Variants in CELSR3 observed in about 807,000 individuals in gnomAD.
CELSR3 encodes EGF-like protein 1.
In CELSR3, 73 loss-of-function variants were observed where a neutral mutation model predicts 270.0. That is an observed-to-expected ratio of 0.27 (90% CI 0.22 to 0.33). CELSR3 has a LOEUF of 0.33. Ranked by LOEUF, CELSR3 falls within the 10% of genes least tolerant of loss-of-function variation. The probability of loss-of-function intolerance (pLI) is 1.00; values close to 1 mark genes in which losing one functional copy is unlikely to be tolerated. For synonymous variants in CELSR3, 1,780 were observed against 1,905.4 expected (o/e 0.93, Z 1.71); for missense variants, 3,614 against 4,533.8 (o/e 0.80, Z 5.83).
chr3:48,642,434 A>G lies in CELSR3; in HGVS notation c.8589T>C (p.Ala2863=). 8 of 1,613,196 alleles carry G rather than the reference A, an allele frequency of 5.0e-6. No homozygotes were observed. The highest frequency in any genetic ancestry group is 5.9e-6 in the Non-Finnish European group (7 of 1,179,914). The part of the protein sequence containing the change: ...DNVLVRHGSA[A]DHTDHSLQAH... ...CCTGGAGGCTGTGGTCAGTGTGGTC[A>G]GCGGCTGAGCCATGTCGAACCAGGA... The change falls in exon 31 of 35, where the codon GCT becomes GCC. Residue 2863 remains alanine (A), a synonymous_variant. Transcript: ENST00000164024. The surrounding 1 kb of genome is among the most constrained non-coding windows in gnomAD (Gnocchi z 6.1).
At chr3:48,647,749 G>T in intron 20 of CELSR3, 92 bp downstream of exon 20, 1 of 1,357,390 alleles carries the variant, frequency 7.4e-7, no homozygotes, top group Non-Finnish European at 1.0e-6. Flanking sequence ...GGGAGGTCTA[G>T]AAAGGGGAAA....
chr3:48,645,892 A>C lies in CELSR3; in HGVS notation c.7464-24T>G. 2.5e-6 allele frequency: 4 copies of C among 1,586,886 alleles called. No individual in the cohort carries two copies. Among genetic ancestry groups the C allele is most frequent in the Non-Finnish European group, 3.4e-6 (4 of 1,163,390 alleles). ...CCCTGCAGCCACAGGGCAGTTAGAC[A>C]CAACTGTGACCCAGTGTCAGGCAGG... On this transcript the variant is annotated intron_variant, in intron 22 of 34. Transcript: ENST00000164024. This position sits in a 1 kb window ranked among gnomAD's most constrained non-coding sequence, Gnocchi z 5.4.
chr3:48,659,053 G>A lies in CELSR3; in HGVS notation c.3582C>T (p.Arg1194=), dbSNP rs1197264829. ...AGACATCGGGGTCATAAGCTGGGAT[G>A]CGCCCAATAATGCCCGACGGGAAGG... ...SDTFPSGIIG[R]IPAYDPDVSD... The change falls in exon 1 of 35, where the codon CGC becomes CGT. Residue 1194 remains arginine (R), a synonymous_variant. Coordinates refer to ENST00000164024, the MANE Select transcript of CELSR3 (RefSeq NM_001407.3). The surrounding 1 kb of genome is among the most constrained non-coding windows in gnomAD (Gnocchi z 8.1). The A allele has an allele frequency of 4.3e-6, 7 of 1,614,070 alleles. No homozygotes were observed. In the Admixed American group the frequency reaches 5.0e-5, roughly 12 times the overall value.
In CELSR3 at chr3:48,650,262, A is replaced by T; in HGVS notation, c.6472+218T>A. The T allele has an allele frequency of 3.0e-6, 2 of 661,892 alleles. No individual in the cohort carries two copies. The highest frequency in any genetic ancestry group is 5.6e-6 in the Non-Finnish European group (2 of 358,664). The allele number at this position is 661,892 out of a possible 1,614,324, so 41.0% of individuals were successfully genotyped here. A position where few individuals can be genotyped will look rare whatever the true frequency, so the allele number is the denominator to read the frequency against. On this transcript the variant is annotated intron_variant, in intron 16 of 34. Transcript: ENST00000164024. The surrounding 1 kb of genome is among the most constrained non-coding windows in gnomAD (Gnocchi z 5.1). ...GAGGGGGCAGTGCACCTGAGCAAACACGTACCCCTTACCTGCACCCCGCAA... is the reference window on the plus strand; with the variant it reads ...GAGGGGGCAGTGCACCTGAGCAAACTCGTACCCCTTACCTGCACCCCGCAA...
rs2047045752 is a variant in CELSR3, at chr3:48,643,163, GGTCA to G, written c.8290-84_8290-81del. 6.4e-6 allele frequency: 6 copies of G among 941,272 alleles called. No individual in the cohort carries two copies. The Admixed American group carries it at 1.1e-4, about 17-fold the overall frequency. The allele number at this position is 941,272 out of a possible 1,614,324, so 58.3% of individuals were successfully genotyped here. On this transcript the variant is annotated intron_variant, in intron 28 of 34. Transcript: ENST00000164024. Reference sequence around the variant, plus strand: ...ATAAGTCACTGTGGGTCAGCAATGGGGTCAGTCACTGTAGGCTAGTGTGGGTCAG... The same window carrying G: ...ATAAGTCACTGTGGGTCAGCAATGGGGTCACTGTAGGCTAGTGTGGGTCAG...
Position 48,660,384 on chromosome 3 carries a change from C to G in CELSR3, c.2251G>C (p.Asp751His). The change falls in exon 1 of 35, where the codon GAC (aspartate) becomes CAC (histidine). Residue 751 changes from aspartate to histidine, a missense_variant. Physicochemically the swap from Asp to His is moderately conservative, Grantham distance 81 (BLOSUM62 -1). This residue lies in a region of CELSR3 where 215 missense variants were observed against 241.2 expected (regional missense o/e 0.89). Transcript: ENST00000164024. This position sits in a 1 kb window ranked among gnomAD's most constrained non-coding sequence, Gnocchi z 5.5. Reference protein sequence around the residue: ...SVTVTVLDVNDNRPEFTMKEY... With the variant: ...SVTVTVLDVNHNRPEFTMKEY... ...TTCATTGTGAACTCAGGCCGATTGT[C>G]ATTAACGTCCAGCACAGTCACGGTG... is the stretch of plus-strand genomic sequence containing the variant. The G allele has an allele frequency of 6.2e-7, 1 of 1,614,138 alleles. No homozygotes were observed. The highest frequency in any genetic ancestry group is 8.5e-7 in the Non-Finnish European group (1 of 1,180,032).
In CELSR3 at chr3:48,654,921, A is replaced by G; in HGVS notation, c.4988+123T>C. 1.0e-6 allele frequency: 1 copy of G among 995,674 alleles called. No individual in the cohort carries two copies. Among genetic ancestry groups the G allele is most frequent in the Non-Finnish European group, 1.5e-6 (1 of 646,112 alleles). 61.7% of individuals were successfully genotyped at this position (995,674 alleles called of 1,614,324 possible). On this transcript the variant is annotated intron_variant, in intron 6 of 34. Coordinates refer to ENST00000164024, the MANE Select transcript of CELSR3 (RefSeq NM_001407.3). This position sits in a 1 kb window ranked among gnomAD's most constrained non-coding sequence, Gnocchi z 5.4. ...TTCAGGGTCTTTGAGAGGAGAGGGG[A>G]ATCTTGGTGGTTTGGGGGAAAGATG...
Position 48,640,749 on chromosome 3 carries a change from A to G in CELSR3, c.9026-190T>C. 3 of 401,220 alleles carry G rather than the reference A, an allele frequency of 7.5e-6. No individual in the cohort carries two copies. Among genetic ancestry groups the G allele is most frequent in the South Asian group, 2.8e-5 (1 of 35,530 alleles). The allele number at this position is 401,220 out of a possible 1,614,324, so 24.9% of individuals were successfully genotyped here. On this transcript the variant is annotated intron_variant, in intron 33 of 34. Transcript: ENST00000164024. This position sits in a 1 kb window ranked among gnomAD's most constrained non-coding sequence, Gnocchi z 7.5. Reference sequence around the variant, plus strand: ...GCAGCAGGACAGGGGTCAGAGTGGAAGGGCAGTCATCTTCCAGTTGTGGTC... The same window carrying G: ...GCAGCAGGACAGGGGTCAGAGTGGAGGGGCAGTCATCTTCCAGTTGTGGTC...
At position 48,660,952 on chromosome 3, in the gene CELSR3, G is replaced by C; in HGVS notation, c.1683C>G (p.His561Gln). ...TGGCCGTGACGCGCAGCACGACTGT[G>C]TGGGGGCGCACATCCTCGCGCACCT... is the stretch of plus-strand genomic sequence containing the variant. The part of the protein sequence containing the change: ...VAQVREDVRP[H>Q]TVVLRVTATD... The change falls in exon 1 of 35, where the codon CAC becomes CAG. Residue 561 changes from histidine (H) to glutamine (Q), a missense_variant. By Grantham distance (24) the His-to-Gln change is conservative (BLOSUM62 0). This residue lies in a region of CELSR3 where 354 missense variants were observed against 500.9 expected (regional missense o/e 0.71). Coordinates refer to ENST00000164024, the MANE Select transcript of CELSR3 (RefSeq NM_001407.3). This position sits in a 1 kb window ranked among gnomAD's most constrained non-coding sequence, Gnocchi z 5.5. The C allele has an allele frequency of 6.2e-7, 1 of 1,613,908 alleles. No homozygotes were observed. Among genetic ancestry groups the C allele is most frequent in the Non-Finnish European group, 8.5e-7 (1 of 1,180,044 alleles).
chr3:48,657,330 G>T lies in CELSR3; in HGVS notation c.3767C>A (p.Thr1256Lys). The T allele has an allele frequency of 6.2e-7, 1 of 1,602,026 alleles. No homozygotes were observed. The highest frequency in any genetic ancestry group is 8.5e-7 in the Non-Finnish European group (1 of 1,174,378). Reference protein sequence around the residue: ...VTVTDGLHSVTAQCVLRVVII... With the variant: ...VTVTDGLHSVKAQCVLRVVII... ...GACCACGCGCAGCACACACTGCGCC[G>T]TCACGCTGTGCAGGCCATCTGCAGG... is the stretch of plus-strand genomic sequence containing the variant. The change falls in exon 2 of 35, where the codon ACG (threonine) becomes AAG (lysine). Residue 1256 changes from threonine to lysine, a missense_variant. This residue lies in a region of CELSR3 where 1,331 missense variants were observed against 1,933.7 expected (regional missense o/e 0.69). Coordinates refer to ENST00000164024, the MANE Select transcript of CELSR3 (RefSeq NM_001407.3). The surrounding 1 kb of genome is among the most constrained non-coding windows in gnomAD (Gnocchi z 5.4).
rs375109595 is a variant in CELSR3 at position 48,650,486 on chromosome 3, C to T, written c.6466G>A (p.Ala2156Thr). 12 of 1,551,908 alleles carry T rather than the reference C, an allele frequency of 7.7e-6. No individual in the cohort carries two copies. Among genetic ancestry groups the T allele is most frequent in the Admixed American group, 5.2e-5 (3 of 57,584 alleles). Residue 2156 changes from alanine to threonine, a missense_variant, in exon 16 of 35, where the codon GCC becomes ACC. Physicochemically the swap from Ala to Thr is moderately conservative, Grantham distance 58 (BLOSUM62 0). Transcript: ENST00000164024. This position sits in a 1 kb window ranked among gnomAD's most constrained non-coding sequence, Gnocchi z 5.1. Reference protein sequence around the residue: ...VLATVPCPRGALGAAVRLCDE... With the variant: ...VLATVPCPRGTLGAAVRLCDE... ...TTTCCCCCCACATACTCACCCAGGGCCCCCCGGGGACAGGGCACTGTGGCC... is the reference window on the plus strand; with the variant it reads ...TTTCCCCCCACATACTCACCCAGGGTCCCCCGGGGACAGGGCACTGTGGCC...
In CELSR3 at chr3:48,659,637, A is replaced by C. The variant is rs1350035633; in HGVS notation, c.2998T>G (p.Phe1000Val). ...CCATCCCCATCTTCACCATTCTGGA[A>C]AGTGTACTGGACCCGGCCATTGGCA... ...AHANGRVQYTFQNGEDGDGDF... is the reference protein window; with the variant it reads ...AHANGRVQYTVQNGEDGDGDF... The change falls in exon 1 of 35, where the codon TTC (phenylalanine) becomes GTC (valine). Residue 1000 changes from phenylalanine (F) to valine (V), a missense_variant. Physicochemically the swap from Phe to Val is conservative, Grantham distance 50. Around this residue, in one of 7 missense-constraint regions of CELSR3, gnomAD observed 1,331 missense variants for 1,933.7 expected, o/e 0.69. Coordinates refer to ENST00000164024, the MANE Select transcript of CELSR3 (RefSeq NM_001407.3). The surrounding 1 kb of genome is among the most constrained non-coding windows in gnomAD (Gnocchi z 8.1). 1 of 1,614,086 alleles carries C rather than the reference A, an allele frequency of 6.2e-7. No individual in the cohort carries two copies. The highest frequency in any genetic ancestry group is 8.5e-7 in the Non-Finnish European group (1 of 1,180,040).
Position 48,662,305 on chromosome 3 carries a change from C to T in CELSR3, c.330G>A (p.Gly110=), listed in dbSNP as rs1398608280. 4 of 1,612,986 alleles carry T rather than the reference C, an allele frequency of 2.5e-6. No individual in the cohort carries two copies. The African/African-American group carries it at 4.0e-5, about 16-fold the overall frequency. ...CCAATGGCTGGACGCCGTGTTCAAT[C>T]CCCAGCTCCTCATTCGGCTGCTCAG... The part of the protein sequence containing the change: ...GPPEQPNEEL[G]IEHGVQPLGS... The change falls in exon 1 of 35, where the codon GGG becomes GGA. Residue 110 remains glycine, a synonymous_variant. Coordinates refer to ENST00000164024, the MANE Select transcript of CELSR3 (RefSeq NM_001407.3). This position sits in a 1 kb window ranked among gnomAD's most constrained non-coding sequence, Gnocchi z 7.1.
rs1406637321 is a variant in CELSR3, at chr3:48,653,642, G to A, written c.5425C>T (p.Pro1809Ser). ...ACCTGGCAAAGGAGCGTGCTGTGTGGCCCAGCCTGCACTTGCATCAGGACC... is the reference window on the plus strand; with the variant it reads ...ACCTGGCAAAGGAGCGTGCTGTGTGACCCAGCCTGCACTTGCATCAGGACC... ...QGVLMQVQAG[P>S]HSTLLCQLDR... The change falls in exon 9 of 35, where the codon CCA becomes TCA. Residue 1809 changes from proline to serine, a missense_variant. This residue lies in a region of CELSR3 where 1,331 missense variants were observed against 1,933.7 expected (regional missense o/e 0.69). Coordinates refer to ENST00000164024, the MANE Select transcript of CELSR3 (RefSeq NM_001407.3). The surrounding 1 kb of genome is among the most constrained non-coding windows in gnomAD (Gnocchi z 6.5). The A allele has an allele frequency of 1.9e-6, 3 of 1,614,062 alleles. No individual in the cohort carries two copies. The highest frequency in any genetic ancestry group is 2.5e-6 in the Non-Finnish European group (3 of 1,180,000).
At position 48,646,480 on chromosome 3, in the gene CELSR3, A is replaced by T. The variant is rs191284558; in HGVS notation, c.7296-223T>A. Among the ~76,000 whole-genome samples, 10 of 150,436 alleles carry T rather than the reference A, an allele frequency of 6.6e-5. No homozygotes were observed. The East Asian group carries it at 1.4e-3, about 21-fold the overall frequency. On this transcript the variant is annotated intron_variant, in intron 21 of 34. Transcript: ENST00000164024. The surrounding 1 kb of genome is among the most constrained non-coding windows in gnomAD (Gnocchi z 4.8). ...TTTGCCTCTGATTGCCCTCCCTCCTACCCCCATCAGTCAGCCTGTCCTTGT... is the reference window on the plus strand; with the variant it reads ...TTTGCCTCTGATTGCCCTCCCTCCTTCCCCCATCAGTCAGCCTGTCCTTGT...
rs767267418 is a variant in CELSR3 at position 48,661,096 on chromosome 3, C to T, written c.1539G>A (p.Val513=). The change falls in exon 1 of 35, where the codon GTG becomes GTA. Residue 513 remains valine (V), a synonymous_variant. Transcript: ENST00000164024. ...REHMESYELV[V]EASDQGQEPG... ...GTTCCTGGCCCTGGTCGCTGGCTTC[C>T]ACCACCAGCTCATAGCTTTCCATGT... 1.5e-5 allele frequency: 24 copies of T among 1,613,106 alleles called. 1 individual carries two copies. The South Asian group carries it at 2.3e-4, about 16-fold the overall frequency.
rs367850134 is a variant in CELSR3, at chr3:48,646,146, C to G, written c.7407G>C (p.Leu2469=). ...LESPISLEFR[L]LQTANRSKAI... is the part of the protein sequence containing the mutation. ...CCTTGCTCCGATTCGCTGTCTGTAG[C>G]AGGCGAAACTCTAGGCTGATGGGGG... Residue 2469 remains leucine (L), a synonymous_variant, in exon 22 of 35, where the codon CTG becomes CTC. Coordinates refer to ENST00000164024, the MANE Select transcript of CELSR3 (RefSeq NM_001407.3). This position sits in a 1 kb window ranked among gnomAD's most constrained non-coding sequence, Gnocchi z 4.8. The G allele has an allele frequency of 8.7e-6, 14 of 1,612,802 alleles. No homozygotes were observed. The highest frequency in any genetic ancestry group is 6.7e-5 in the Admixed American group (4 of 59,990).
chr3:48,652,960 T>C lies in CELSR3; in HGVS notation c.5634+42A>G, dbSNP rs1384937331. On this transcript the variant is annotated intron_variant, in intron 10 of 34. Transcript: ENST00000164024. This position sits in a 1 kb window ranked among gnomAD's most constrained non-coding sequence, Gnocchi z 4.3. ...TGGGGTCAAATAAGGCGGATCTGGT[T>C]GGAAGGCTGAGAACAGACTACCCCG... 6 of 1,566,910 alleles carry C rather than the reference T, an allele frequency of 3.8e-6. No individual in the cohort carries two copies. The East Asian group carries it at 1.3e-4, about 35-fold the overall frequency.
chr3:48,645,946 A>G lies in CELSR3; in HGVS notation c.7464-78T>C. 1 of 1,571,830 alleles carries G rather than the reference A, an allele frequency of 6.4e-7. No homozygotes were observed. The highest frequency in any genetic ancestry group is 1.3e-5 in the African/African-American group (1 of 74,364). On this transcript the variant is annotated intron_variant, in intron 22 of 34. Coordinates refer to ENST00000164024, the MANE Select transcript of CELSR3 (RefSeq NM_001407.3). The surrounding 1 kb of genome is among the most constrained non-coding windows in gnomAD (Gnocchi z 5.4). ...TTGTGAGAGATCATGGGAAGGGCTG[A>G]GGGTGCCTGGAGTTGGGGTACAGCA...
Sources: gnomAD v4.1 joint callset for allele counts (sites outside exome capture counted in the v4.1 genomes callset) on GRCh38, gnomAD v4.1.1 for gene constraint, gnomAD v4.1.1 regional missense constraint, Gnocchi (gnomAD v3.1) non-coding constraint, MANE v1.5 for transcripts, NCBI Gene and HGNC (gene_info 2026-07-23, HGNC 2026-07-21) for gene names.